Variants in PTPRF observed in about 807,000 individuals in gnomAD.
PTPRF encodes the protein receptor-type tyrosine-protein phosphatase F.
A neutral mutation model predicts 201.8 loss-of-function variants in PTPRF; 59 were observed. The observed-to-expected ratio is 0.29, with a 90% CI of 0.24 to 0.36. PTPRF has a LOEUF of 0.36. Ranked by LOEUF, PTPRF falls within the 10% of genes least tolerant of loss-of-function variation. The probability of loss-of-function intolerance (pLI) is 1.00; values close to 1 mark genes in which losing one functional copy is unlikely to be tolerated. For missense variants in PTPRF, 2,132 were observed against 2,690.5 expected (o/e 0.79, Z 4.59); for synonymous variants, 1,088 against 1,089.7 (o/e 1.00, Z 0.03).
rs1334439937 is a variant in PTPRF at position 43,542,811 on chromosome 1, T to C, written c.-45-2220T>C. Among the ~76,000 whole-genome samples, 1 of 152,184 alleles carries C rather than the reference T, an allele frequency of 6.6e-6. No homozygotes were observed. Among genetic ancestry groups the C allele is most frequent in the Admixed American group, 6.5e-5 (1 of 15,278 alleles). On this transcript the variant is annotated intron_variant, in intron 2 of 33. Transcript: ENST00000359947. The surrounding 1 kb of genome is among the most constrained non-coding windows in gnomAD (Gnocchi z 5.2). ...CTGGGCGTTATACTGCTATGATTAC[T>C]GCACCAAGGCGGCTACAGGGGATTA...
upstream of PTPRF, among the ~76,000 whole-genome samples, chr1:43,523,818 C>T (rs574060832): frequency 3.3e-5 from 5 of 151,280 alleles, no homozygotes; most frequent in South Asian, 4.2e-4. Context: ...GAGGCCAAGG[C>T]GGACAGATCA....
chr1:43,610,222 AT>A (rs1386790425), intron 22 of PTPRF, among the ~76,000 whole-genome samples: 5 of 152,050 alleles, frequency 3.3e-5, no homozygotes, highest in African/African-American at 1.2e-4. Flanking sequence ...GTCATCCCCC[AT>A]CCCTTGTATT....
At chr1:43,568,124 C>T (rs1257361305) in intron 5 of PTPRF, among the ~76,000 whole-genome samples, 7 of 151,944 alleles carry the variant, frequency 4.6e-5, no homozygotes, top group East Asian at 1.9e-4. Context: ...GGTGAAACCC[C>T]GTCTCTACTA....
Position 43,617,900 on chromosome 1 carries a change from G to C in PTPRF, c.4360G>C (p.Glu1454Gln), listed in dbSNP as rs1658257439. 1 of 1,608,644 alleles carries C rather than the reference G, an allele frequency of 6.2e-7. No homozygotes were observed. Among genetic ancestry groups the C allele is most frequent in the African/African-American group, 1.3e-5 (1 of 74,874 alleles). The change falls in exon 25 of 34, where the codon GAG (glutamate) becomes CAG (glutamine). Residue 1454 changes from glutamate (E) to glutamine (Q), a missense_variant. Glu to Gln is a conservative substitution (Grantham distance 29). Around this residue, in one of 6 missense-constraint regions of PTPRF, gnomAD observed 519 missense variants for 659.5 expected, o/e 0.79. Coordinates refer to ENST00000359947, the MANE Select transcript of PTPRF (RefSeq NM_002840.5). ...TGTGGTCATGATGACACGGCTGGAGGAGAAGTCCCGGGTGAGGCTGCAGGG... is the reference window on the plus strand; with the variant it reads ...TGTGGTCATGATGACACGGCTGGAGCAGAAGTCCCGGGTGAGGCTGCAGGG... ...ATVVMMTRLE[E>Q]KSRVKCDQYW...
intron 5 of PTPRF, among the ~76,000 whole-genome samples, chr1:43,566,686 G>A (rs1291072694): frequency 6.6e-6 from 1 of 152,220 alleles, no homozygotes; most frequent in Non-Finnish European, 1.5e-5. Flanking sequence ...TGGGAGAGAA[G>A]GAAGAGGCAG....
intron 23 of PTPRF, among the ~76,000 whole-genome samples, chr1:43,615,577 TTTTTC>T (rs1557863209): frequency 1.6e-4 from 15 of 94,342 alleles, no homozygotes; most frequent in African/African-American, 4.8e-4. Context: ...TTTTTTTTTT[TTTTTC>T]TTTTTTGGAA....
Position 43,553,639 on chromosome 1 carries a change from T to C in PTPRF, c.237+2T>C. 1 of 1,613,968 alleles carries C rather than the reference T, an allele frequency of 6.2e-7. No individual in the cohort carries two copies. Among genetic ancestry groups the C allele is most frequent in the African/African-American group, 1.3e-5 (1 of 75,002 alleles). On this transcript the variant is annotated splice_donor_variant, in intron 4 of 33. Transcript: ENST00000359947. LOFTEE classifies it high-confidence loss of function. This position sits in a 1 kb window ranked among gnomAD's most constrained non-coding sequence, Gnocchi z 4.1. ...AAAGTCAGCTCCCAGCGCTTCGAGG[T>C]GCGTCTGTGGTGGGAAGGGGTCGGC... is the stretch of plus-strand genomic sequence containing the variant.
At chr1:43,590,145 G>A (rs1650288029) in intron 8 of PTPRF, among the ~76,000 whole-genome samples, 1 of 152,108 alleles carries the variant, frequency 6.6e-6, no homozygotes, top group Non-Finnish European at 1.5e-5. Flanking sequence ...CGTGCTCCTT[G>A]CCTGGCCCCT....
At chr1:43,591,778 A>G in intron 9 of PTPRF, 34 bp from the exon 10 acceptor site, 6 of 1,611,062 alleles carry the variant, frequency 3.7e-6, no homozygotes, top group Non-Finnish European at 5.1e-6. Context: ...CCTCACGCAG[A>G]TGAGGCTGAC....
intron 5 of PTPRF, among the ~76,000 whole-genome samples, chr1:43,555,605 G>C (rs895167191): frequency 6.6e-6 from 1 of 151,814 alleles, no homozygotes; most frequent in Non-Finnish European, 1.5e-5. Context: ...ACCACCACTC[G>C]TGACTAATTT....
chr1:43,587,632 G>C (rs539240640), intron 7 of PTPRF, among the ~76,000 whole-genome samples: 26 of 152,172 alleles, frequency 1.7e-4, no homozygotes, highest in Non-Finnish European at 3.1e-4. Flanking sequence ...GCCCCCCAGC[G>C]AGGGTCCTCA....
intron 22 of PTPRF, among the ~76,000 whole-genome samples, chr1:43,609,719 C>G (rs907895848): frequency 6.6e-6 from 1 of 152,226 alleles, no homozygotes; most frequent in Non-Finnish European, 1.5e-5. Flanking sequence ...AGGCCAGGAC[C>G]CTCTTAGGTG....
In PTPRF at chr1:43,618,622, T is replaced by A; in HGVS notation, c.4372-8T>A. On this transcript the variant is annotated splice_polypyrimidine_tract_variant and splice_region_variant and intron_variant, in intron 25 of 33. Transcript: ENST00000359947. ...TTCCTTCAGCCTGCCCTGCTCATCC[T>A]CCTGCAGGTAAAATGTGATCAGTAC... is the stretch of plus-strand genomic sequence containing the variant. 6.3e-7 allele frequency: 1 copy of A among 1,590,984 alleles called. No individual in the cohort carries two copies. The highest frequency in any genetic ancestry group is 8.6e-7 in the Non-Finnish European group (1 of 1,161,770).
At chr1:43,575,841 G>A (rs767456864) in intron 6 of PTPRF, 45 of 1,296,518 alleles carry the variant, frequency 3.5e-5, no homozygotes, top group Middle Eastern at 4.2e-4. Flanking sequence ...ATTTGGCTTT[G>A]TGTGGCTTTC....
At chr1:43,559,098 G>A (rs1379121018) in intron 5 of PTPRF, among the ~76,000 whole-genome samples, 1 of 152,246 alleles carries the variant, frequency 6.6e-6, no homozygotes. Flanking sequence ...CATTGATAGG[G>A]CAGATAACGT....
Position 43,590,987 on chromosome 1 carries a change from CGATT to C in PTPRF, c.969_972del (p.Asp324LeufsTer3), listed in dbSNP as rs1167278411. On this transcript the variant is annotated frameshift_variant, in exon 9 of 34. Coordinates refer to ENST00000359947, the MANE Select transcript of PTPRF (RefSeq NM_002840.5). LOFTEE classifies it high-confidence loss of function. ...TTGTCTCCAGCTCTTCCAAAGCCTC[CGATT>C]GATCTTGTGGTGACAGAGACAACTG... 1.9e-6 allele frequency: 3 copies of C among 1,608,834 alleles called. No homozygotes were observed. Among genetic ancestry groups the C allele is most frequent in the Non-Finnish European group, 2.6e-6 (3 of 1,175,870 alleles).
At chr1:43,568,247 A>G (rs971251397) in intron 5 of PTPRF, among the ~76,000 whole-genome samples, 7 of 151,342 alleles carry the variant, frequency 4.6e-5, no homozygotes. Context: ...GTGAGCTGAG[A>G]TCGCACCACT....
At chr1:43,590,896 G>T in intron 8 of PTPRF, 76 bp from the exon 9 acceptor site, 1 of 1,352,286 alleles carries the variant, frequency 7.4e-7, no homozygotes. Flanking sequence ...AGATATCCTG[G>T]ATAATCCCCA....
intron 7 of PTPRF, among the ~76,000 whole-genome samples, chr1:43,582,838 C>T (rs1453041143): frequency 3.3e-5 from 5 of 152,338 alleles, no homozygotes; most frequent in South Asian, 2.1e-4. Context: ...CGCCTGCTGG[C>T]GGGCCTCAGC....
Sources: allele counts gnomAD v4.1 joint callset (sites outside exome capture counted in the v4.1 genomes callset), GRCh38; gene constraint gnomAD v4.1.1; regional missense constraint gnomAD v4.1.1; non-coding constraint Gnocchi (gnomAD v3.1); transcripts MANE v1.5; gene names NCBI Gene and HGNC (gene_info 2026-07-23, HGNC 2026-07-21).